PHF20: variants seen among roughly 807,000 people sequenced by gnomAD.
PHF20 encodes the protein PHD finger protein 20, also known as glioma-expressed antigen 2.
Under a neutral mutation model 113.5 loss-of-function variants are expected in PHF20, and 23 were observed. That is an observed-to-expected ratio of 0.20 (90% CI 0.15 to 0.29). PHF20 has a LOEUF of 0.29. PHF20 is among the 10% of genes least tolerant of loss of function. The pLI, the probability that PHF20 is intolerant of heterozygous loss-of-function variation, is 1.00. For synonymous variants in PHF20, 434 were observed against 457.3 expected (o/e 0.95, Z 0.65); for missense variants, 943 against 1,219.6 (o/e 0.77, Z 3.38).
intron 1 of PHF20, among the ~76,000 whole-genome samples, chr20:35,788,790 G>C (rs1319429890): frequency 6.6e-6 from 1 of 151,158 alleles, no homozygotes; most frequent in Non-Finnish European, 1.5e-5. Flanking sequence ...TTTAGCCAGG[G>C]TGTTCTTGAA....
At chr20:35,900,828 C>A (rs962748683) in intron 10 of PHF20, among the ~76,000 whole-genome samples, 2 of 152,092 alleles carry the variant, frequency 1.3e-5, no homozygotes, top group African/African-American at 4.8e-5. Context: ...CTGAGTGAGA[C>A]TCCATCTCAA....
In PHF20 at chr20:35,900,419, T is replaced by C. The variant is rs1390873927; in HGVS notation, c.1561+771T>C. ...ACATCTGGCAGTGTTCCCAGTAGAGTATACAATCAGGTTTCAGGACAGGGG... is the reference window on the plus strand; with the variant it reads ...ACATCTGGCAGTGTTCCCAGTAGAGCATACAATCAGGTTTCAGGACAGGGG... On this transcript the variant is annotated intron_variant, in intron 10 of 17. Coordinates refer to ENST00000374012, the MANE Select transcript of PHF20 (RefSeq NM_016436.5). 3.3e-5 allele frequency among the ~76,000 whole-genome samples: 5 copies of C among 152,208 alleles called. No homozygotes were observed. In the East Asian group the frequency reaches 7.7e-4, roughly 24 times the overall value.
chr20:35,907,186 C>T (rs1307068739), intron 10 of PHF20, among the ~76,000 whole-genome samples: 2 of 152,146 alleles, frequency 1.3e-5, no homozygotes, highest in African/African-American at 2.4e-5. Context: ...CTGGAAGCGG[C>T]GGTCTGATGA....
chr20:35,840,332 G>C (rs1326058226), intron 2 of PHF20, among the ~76,000 whole-genome samples: 1 of 152,108 alleles, frequency 6.6e-6, no homozygotes, highest in African/African-American at 2.4e-5. Context: ...ACTGCAAAAA[G>C]TCTCCCTCCT....
At chr20:35,855,917 G>T (rs915419987) in intron 4 of PHF20, among the ~76,000 whole-genome samples, 3 of 152,078 alleles carry the variant, frequency 2.0e-5, no homozygotes, top group Non-Finnish European at 4.4e-5. Context: ...GACCTCAAGT[G>T]ATTCACCCGC....
intron 9 of PHF20, among the ~76,000 whole-genome samples, chr20:35,884,149 A>G (rs1342713346): frequency 1.3e-5 from 2 of 152,242 alleles, no homozygotes; most frequent in Admixed American, 6.5e-5. Flanking sequence ...CTCATTCACC[A>G]GGAATGTATT....
chr20:35,930,827 C>T (rs1241483964), intron 14 of PHF20, among the ~76,000 whole-genome samples: 4 of 152,108 alleles, frequency 2.6e-5, no homozygotes, highest in Non-Finnish European at 5.9e-5. Flanking sequence ...GAAATGAGGC[C>T]AGTGTAAAGG....
At chr20:35,929,260 T>G (rs930643071) in intron 14 of PHF20, among the ~76,000 whole-genome samples, 5 of 152,222 alleles carry the variant, frequency 3.3e-5, no homozygotes, top group Non-Finnish European at 7.4e-5. Context: ...ATTTTGTTGG[T>G]TGTCTAGGGA....
intron 15 of PHF20, among the ~76,000 whole-genome samples, chr20:35,934,443 C>A (rs182340651): frequency 5.9e-5 from 9 of 152,334 alleles, no homozygotes; most frequent in African/African-American, 1.9e-4. Flanking sequence ...GGATTCCATC[C>A]GTTGGGTTGG....
chr20:35,840,675 A>G (rs944592440), intron 2 of PHF20, among the ~76,000 whole-genome samples: 1 of 152,134 alleles, frequency 6.6e-6, no homozygotes. Context: ...AGCAGCAGCA[A>G]CATCTGGGAG....
chr20:35,808,693 C>T (rs953681090), intron 2 of PHF20, among the ~76,000 whole-genome samples: 2 of 151,994 alleles, frequency 1.3e-5, no homozygotes, highest in African/African-American at 2.4e-5. Context: ...CTGCCTCAGC[C>T]TCCCGAGTAG....
intron 2 of PHF20, among the ~76,000 whole-genome samples, chr20:35,814,375 G>C (rs1213510494): frequency 6.6e-6 from 1 of 151,590 alleles, no homozygotes; most frequent in Non-Finnish European, 1.5e-5. Flanking sequence ...ATGCCACCAT[G>C]CCTGGCTAAT....
intron 1 of PHF20, among the ~76,000 whole-genome samples, chr20:35,777,988 A>G (rs891238127): frequency 2.0e-5 from 3 of 152,196 alleles, no homozygotes; most frequent in African/African-American, 7.2e-5. Flanking sequence ...ACTTAAAGGT[A>G]TATTTAACCT....
intron 4 of PHF20, among the ~76,000 whole-genome samples, chr20:35,854,238 C>A (rs1441013027): frequency 6.6e-6 from 1 of 152,146 alleles, no homozygotes; most frequent in Non-Finnish European, 1.5e-5. Flanking sequence ...GTGTTACTGA[C>A]TGCTATAAGA....
At chr20:35,866,423 G>T (rs542224175) in intron 6 of PHF20, among the ~76,000 whole-genome samples, 1 of 152,266 alleles carries the variant, frequency 6.6e-6, no homozygotes, top group East Asian at 1.9e-4. Context: ...GGAAAACAGA[G>T]AAAATATATC....
intron 9 of PHF20, among the ~76,000 whole-genome samples, chr20:35,885,945 C>T (rs2147025045): frequency 6.6e-6 from 1 of 151,892 alleles, no homozygotes; most frequent in Middle Eastern, 3.4e-3. Flanking sequence ...ATCTAACTTT[C>T]ATCATTCTTT....
At chr20:35,933,229 T>C (rs2055796409) in intron 15 of PHF20, among the ~76,000 whole-genome samples, 1 of 150,746 alleles carries the variant, frequency 6.6e-6, no homozygotes. Flanking sequence ...GCAACTCAGC[T>C]CATTCTTTTT....
chr20:35,886,057 C>T (rs185174556), intron 9 of PHF20, among the ~76,000 whole-genome samples: 55 of 151,360 alleles, frequency 3.6e-4, no homozygotes, highest in African/African-American at 1.3e-3. Flanking sequence ...ATTCTTATGT[C>T]GTTCTATGGG....
intron 17 of PHF20, among the ~76,000 whole-genome samples, chr20:35,946,998 G>A (rs899828400): frequency 6.6e-6 from 1 of 152,158 alleles, no homozygotes; most frequent in Non-Finnish European, 1.5e-5. Flanking sequence ...ATGTGCCACC[G>A]CGCCCGGCTG....
Sources: allele counts gnomAD v4.1 joint callset (sites outside exome capture counted in the v4.1 genomes callset), GRCh38; gene constraint gnomAD v4.1.1; transcripts MANE v1.5; gene names NCBI Gene and HGNC (gene_info 2026-07-23, HGNC 2026-07-21).